The following GALNT9 variants were observed in gnomAD, a reference collection of about 807,000 sequenced individuals.
GALNT9 encodes the protein GalNAc transferase 9.
In GALNT9, 47 loss-of-function variants were observed where a neutral mutation model predicts 63.1. The ratio of observed to expected loss-of-function variants is 0.75; its 90% CI spans 0.59 to 0.95. The LOEUF (loss-of-function observed/expected upper bound fraction) is 0.95. Among genes scored for constraint, GALNT9 ranks in the 40% least tolerant of loss-of-function variants. The pLI, the probability that GALNT9 is intolerant of heterozygous loss-of-function variation, is 0.00. For synonymous variants in GALNT9, 396 were observed against 365.7 expected, an observed-to-expected ratio of 1.08 and a Z score of -0.94; for missense variants, 829 against 874.8, an observed-to-expected ratio of 0.95 and a Z score of 0.66.
chr12:132,290,449 T>C (rs927378662), intron 1 of GALNT9, among the ~76,000 whole-genome samples: 35 of 152,114 alleles, frequency 2.3e-4, no homozygotes, highest in African/African-American at 7.0e-4. Flanking sequence ...AACAGGCTGT[T>C]CTCTGTGCTG....
At chr12:132,226,887 C>T (rs1877715497) in intron 6 of GALNT9, among the ~76,000 whole-genome samples, 1 of 148,794 alleles carries the variant, frequency 6.7e-6, no homozygotes, top group Non-Finnish European at 1.5e-5. Context: ...CACACATACA[C>T]TCCATAAACA....
intron 1 of GALNT9, among the ~76,000 whole-genome samples, chr12:132,303,163 C>T (rs1372861452): frequency 6.6e-6 from 1 of 152,032 alleles, no homozygotes; most frequent in Non-Finnish European, 1.5e-5. Flanking sequence ...GGCCTTCACC[C>T]GGTAGTCCCC....
intron 6 of GALNT9, among the ~76,000 whole-genome samples, chr12:132,226,809 C>T (rs1309339208): frequency 6.7e-6 from 1 of 150,016 alleles, no homozygotes; most frequent in Admixed American, 6.6e-5. Context: ...TACACACCCA[C>T]ACACATCCCA....
chr12:132,286,718 AT>A lies in GALNT9; in HGVS notation c.239-289del, dbSNP rs1880609780. Among the ~76,000 whole-genome samples the A allele has an allele frequency of 6.6e-6, 1 of 152,062 alleles. No homozygotes were observed. The highest frequency in any genetic ancestry group is 1.5e-5 in the Non-Finnish European group (1 of 68,014). On this transcript the variant is annotated intron_variant, in intron 1 of 10. Coordinates refer to ENST00000328957, the MANE Select transcript of GALNT9 (RefSeq NM_001122636.2). This position sits in a 1 kb window ranked among gnomAD's most constrained non-coding sequence, Gnocchi z 7.4. The stretch of plus-strand genomic sequence containing the variant: ...GCTGCAATGGTGGATATCTGTTATT[AT>A]TATGTATTTTTTGATTCAGGGTCTT...
chr12:132,258,834 G>A (rs957479061), intron 4 of GALNT9, among the ~76,000 whole-genome samples: 5 of 152,212 alleles, frequency 3.3e-5, no homozygotes, highest in Admixed American at 6.5e-5. Context: ...TGAGATGGCC[G>A]CAGAGGCCCG....
rs1048394256 is a variant in GALNT9, at chr12:132,286,100, G to C, written c.419+150C>G. On this transcript the variant is annotated intron_variant, in intron 2 of 10. Coordinates refer to ENST00000328957, the MANE Select transcript of GALNT9 (RefSeq NM_001122636.2). The surrounding 1 kb of genome is among the most constrained non-coding windows in gnomAD (Gnocchi z 7.4). Reference sequence around the variant, plus strand: ...CAGCGTGGGGGGCGGTCACTTCCCCGGCGGGCGTGGGGGGCGGTCACTTCC... The same window carrying C: ...CAGCGTGGGGGGCGGTCACTTCCCCCGCGGGCGTGGGGGGCGGTCACTTCC... 4 of 1,062,858 alleles carry C rather than the reference G, an allele frequency of 3.8e-6. No individual in the cohort carries two copies. Among genetic ancestry groups the C allele is most frequent in the Non-Finnish European group, 3.9e-6 (3 of 774,006 alleles). 65.8% of individuals were successfully genotyped at this position (1,062,858 alleles called of 1,614,324 possible).
At chr12:132,277,955 T>C (rs1880170435) in intron 2 of GALNT9, 1 of 151,968 alleles carries the variant, frequency 6.6e-6, no homozygotes, top group African/African-American at 2.4e-5. Flanking sequence ...AGTGGCCCTC[T>C]GACCAGGGCC....
Position 132,310,670 on chromosome 12 carries a change from A to G in GALNT9, c.238+18296T>C, listed in dbSNP as rs1881780344. 6.6e-6 allele frequency among the ~76,000 whole-genome samples: 1 copy of G among 152,188 alleles called. No individual in the cohort carries two copies. The highest frequency in any genetic ancestry group is 2.1e-4 in the South Asian group (1 of 4,834). ...TGAGTCACTGATTTCCATCTGTTAC[A>G]GTGACTGAAGCCAATATTCTGAGAG... On this transcript the variant is annotated intron_variant, in intron 1 of 10. Coordinates refer to ENST00000328957, the MANE Select transcript of GALNT9 (RefSeq NM_001122636.2). The surrounding 1 kb of genome is among the most constrained non-coding windows in gnomAD (Gnocchi z 4.8).
intron 6 of GALNT9, chr12:132,247,418 A>C: frequency 2.8e-6 from 1 of 353,066 alleles, no homozygotes; most frequent in South Asian, 2.1e-5. Flanking sequence ...TTCTAGCAAG[A>C]CTCAGGGTAG....
chr12:132,244,167 C>T (rs1357761419), intron 6 of GALNT9, among the ~76,000 whole-genome samples: 4 of 135,214 alleles, frequency 3.0e-5, no homozygotes, highest in Admixed American at 7.6e-5. Context: ...GGTGCCTCCA[C>T]GGGCCAAGAG....
intron 6 of GALNT9, among the ~76,000 whole-genome samples, chr12:132,205,204 T>C (rs1876584025): frequency 6.6e-6 from 1 of 152,050 alleles, no homozygotes; most frequent in African/African-American, 2.4e-5. Flanking sequence ...GTCCCCTAGC[T>C]GCATCCTCCG....
At chr12:132,239,357 CAGAG>C (rs2136896872) in intron 6 of GALNT9, among the ~76,000 whole-genome samples, 74 of 129,936 alleles carry the variant, frequency 5.7e-4, no homozygotes, top group Non-Finnish European at 9.0e-4. Flanking sequence ...GAGTCAGAGA[CAGAG>C]AGAGAGACAC....
chr12:132,303,950 C>G (rs112605826), intron 1 of GALNT9, among the ~76,000 whole-genome samples: 7 of 38,912 alleles, frequency 1.8e-4, no homozygotes, highest in African/African-American at 4.1e-4. Flanking sequence ...CCCGGGCACA[C>G]CCTCACCTGG....
intron 6 of GALNT9, among the ~76,000 whole-genome samples, chr12:132,228,288 G>T (rs1293509493): frequency 6.6e-6 from 1 of 151,666 alleles, no homozygotes; most frequent in African/African-American, 2.4e-5. Context: ...CCTCCCCAGC[G>T]TCCCTCTGAC....
chr12:132,286,003 C>T lies in GALNT9; in HGVS notation c.419+247G>A, dbSNP rs559654258. Among the ~76,000 whole-genome samples, 3 of 152,220 alleles carry T rather than the reference C, an allele frequency of 2.0e-5. No homozygotes were observed. The highest frequency in any genetic ancestry group is 6.5e-5 in the Admixed American group (1 of 15,304). The stretch of plus-strand genomic sequence containing the variant: ...CACTTTCCCACAGCAGACCTTTGCG[C>T]GTTTCTCCCAGGAGCCCGCAGCTCG... On this transcript the variant is annotated intron_variant, in intron 2 of 10. Coordinates refer to ENST00000328957, the MANE Select transcript of GALNT9 (RefSeq NM_001122636.2). This position sits in a 1 kb window ranked among gnomAD's most constrained non-coding sequence, Gnocchi z 7.4.
Position 132,199,241 on chromosome 12 carries a change from C to G in GALNT9, c.1430G>C (p.Cys477Ser). The change falls in exon 9 of 11, where the codon TGT becomes TCT. Residue 477 changes from cysteine (C) to serine (S), a missense_variant. Coordinates refer to ENST00000328957, the MANE Select transcript of GALNT9 (RefSeq NM_001122636.2). ...GCCGTCCTCCGCTCCCTGGTCCAGA[C>G]AGTAGGCACTGGCTTTGCTGTTTCT... ...EVRNSKASAY[C>S]LDQGAEDGDR... The G allele has an allele frequency of 6.2e-7, 1 of 1,605,214 alleles. No individual in the cohort carries two copies. The highest frequency in any genetic ancestry group is 2.2e-5 in the East Asian group (1 of 44,820).
chr12:132,201,013 T>C (rs1593461142), intron 8 of GALNT9, 111 bp downstream of exon 8: 1 of 1,085,112 alleles, frequency 9.2e-7, no homozygotes, highest in Non-Finnish European at 1.3e-6. Flanking sequence ...GGGGAGGCGC[T>C]ACCTCTCCGT....
intron 5 of GALNT9, 148 bp downstream of exon 5, chr12:132,257,541 G>A (rs1555239193): frequency 5.2e-6 from 1 of 191,394 alleles, no homozygotes; most frequent in South Asian, 7.2e-5. Flanking sequence ...TCATCCCCAC[G>A]CCCTCGTCCC....
intron 1 of GALNT9, among the ~76,000 whole-genome samples, chr12:132,325,013 A>G (rs1868977395): frequency 6.6e-6 from 1 of 152,138 alleles, no homozygotes; most frequent in African/African-American, 2.4e-5. Context: ...GCTTGCAGAC[A>G]TGGCTGTGGG....
Sources: gnomAD v4.1 joint callset for allele counts (sites outside exome capture counted in the v4.1 genomes callset) on GRCh38, gnomAD v4.1.1 for gene constraint, Gnocchi (gnomAD v3.1) non-coding constraint, MANE v1.5 for transcripts, NCBI Gene and HGNC (gene_info 2026-07-23, HGNC 2026-07-21) for gene names.